The following GPR108 variants were observed in gnomAD, a reference collection of about 807,000 sequenced individuals.
GPR108 encodes G protein-coupled receptor 108.
In GPR108, 60 loss-of-function variants were observed where a neutral mutation model predicts 74.3. That is an observed-to-expected ratio of 0.81 (90% CI 0.66 to 1.00). The LOEUF is 1.00. Among genes scored for constraint, GPR108 ranks in the 50% least tolerant of loss-of-function variants. The probability of loss-of-function intolerance (pLI) is 0.00; values close to 1 mark genes in which losing one functional copy is unlikely to be tolerated. For missense variants in GPR108, 667 were observed against 703.3 expected (o/e 0.95, Z 0.58); for synonymous variants, 311 against 292.4 (o/e 1.06, Z -0.65).
rs1968385986 is a variant in GPR108, at chr19:6,731,198, C to T, written c.1434+1G>A. 1 of 1,588,344 alleles carries T rather than the reference C, an allele frequency of 6.3e-7. No individual in the cohort carries two copies. Among genetic ancestry groups the T allele is most frequent in the Non-Finnish European group, 8.6e-7 (1 of 1,164,352 alleles). On this transcript the variant is annotated splice_donor_variant, in intron 16 of 17. Transcript: ENST00000264080. LOFTEE classifies it high-confidence loss of function. Reference sequence around the variant, plus strand: ...CCGTCCCACCTGGGCCTCGGGCTCACCTGGTACAGCCACTGCCACTGAAAG... The same window carrying T: ...CCGTCCCACCTGGGCCTCGGGCTCATCTGGTACAGCCACTGCCACTGAAAG...
Position 6,730,030 on chromosome 19 carries a change from C to A in GPR108, c.*282G>T, listed in dbSNP as rs951101687. ...AACACAACCTCCGTGTAGACCCCAA[C>A]CCCCAAAAAGGCAAGACAACGGCGT... On this transcript the variant is annotated 3_prime_UTR_variant, in exon 18 of 18. Coordinates refer to ENST00000264080, the MANE Select transcript of GPR108 (RefSeq NM_001080452.2). The A allele has an allele frequency of 3.6e-5, 17 of 470,638 alleles. No homozygotes were observed. Among genetic ancestry groups the A allele is most frequent in the African/African-American group, 3.3e-4 (17 of 51,036 alleles). 29.2% of individuals were successfully genotyped at this position (470,638 alleles called of 1,614,324 possible).
intron 14 of GPR108, 89 bp downstream of exon 14, chr19:6,731,802 A>G: frequency 1.4e-6 from 2 of 1,461,142 alleles, no homozygotes; most frequent in Admixed American, 3.8e-5. Flanking sequence ...CTGGGCAGAG[A>G]GGCCAGGAGG....
intron 4 of GPR108, among the ~76,000 whole-genome samples, chr19:6,734,693 C>T (rs1968558964): frequency 1.3e-5 from 2 of 152,162 alleles, no homozygotes; most frequent in South Asian, 4.2e-4. Flanking sequence ...AGGCGCACAC[C>T]ATCATGCTTG....
chr19:6,737,296 G>A (rs1043780149), intron 1 of GPR108, 161 bp downstream of exon 1: 1 of 925,522 alleles, frequency 1.1e-6, no homozygotes, highest in Non-Finnish European at 1.5e-6. Context: ...GGACCGAAGG[G>A]GATCCCGGGA....
chr19:6,733,005 G>A lies in GPR108; in HGVS notation c.915C>T (p.Ile305=). 1 of 1,605,626 alleles carries A rather than the reference G, an allele frequency of 6.2e-7. No homozygotes were observed. The highest frequency in any genetic ancestry group is 8.5e-7 in the Non-Finnish European group (1 of 1,176,220). Residue 305 remains isoleucine (I), a synonymous_variant, in exon 10 of 18, where the codon ATC becomes ATT. Coordinates refer to ENST00000264080, the MANE Select transcript of GPR108 (RefSeq NM_001080452.2). ...CTCTCACGCTGTGGAAGAGGAGAGA[G>A]ATGCTCTTGGTGAAGGCCAAGGCCG... is the stretch of plus-strand genomic sequence containing the variant. ...LMAALAFTKS[I]SLLFHSINYY... is the part of the protein sequence containing the mutation.
rs372912988 is a variant in GPR108 at position 6,735,968 on chromosome 19, G to A, written c.241-10C>T. ...TGAGACTGAACCCCACCTGGTGGGTGGAAAAAAAAAGGGGAGGGTGTGAGG... is the reference window on the plus strand; with the variant it reads ...TGAGACTGAACCCCACCTGGTGGGTAGAAAAAAAAAGGGGAGGGTGTGAGG... On this transcript the variant is annotated splice_polypyrimidine_tract_variant and intron_variant, in intron 2 of 17. Coordinates refer to ENST00000264080, the MANE Select transcript of GPR108 (RefSeq NM_001080452.2). 3.9e-5 allele frequency: 63 copies of A among 1,599,192 alleles called. No individual in the cohort carries two copies. The highest frequency in any genetic ancestry group is 5.1e-5 in the Non-Finnish European group (60 of 1,172,924).
At chr19:6,733,761 C>A (rs78848320) in intron 7 of GPR108, 84 bp downstream of exon 7, 21 of 1,580,290 alleles carry the variant, frequency 1.3e-5, no homozygotes, top group Non-Finnish European at 1.7e-5. Context: ...TGGTCTGGGG[C>A]GATGGTAGGG....
intron 3 of GPR108, 24 bp from the exon 4 acceptor site, chr19:6,735,728 G>A (rs768130094): frequency 1.2e-6 from 2 of 1,604,358 alleles, no homozygotes; most frequent in Admixed American, 1.7e-5. Context: ...AGGAGGGAGT[G>A]AGTCTTGGTT....
chr19:6,733,781 G>A, intron 7 of GPR108, 64 bp downstream of exon 7: 1 of 1,589,804 alleles, frequency 6.3e-7, no homozygotes. Context: ...GCTGCAGGAG[G>A]GCTCAGCTTG....
In GPR108 at chr19:6,734,254, A is replaced by G; in HGVS notation, c.428T>C (p.Leu143Pro). The G allele has an allele frequency of 1.9e-6, 3 of 1,613,748 alleles. No individual in the cohort carries two copies. The highest frequency in any genetic ancestry group is 2.5e-6 in the Non-Finnish European group (3 of 1,179,922). ...TGGTTTGGAGGGTGCTTCCGGGAGG[A>G]GCCCGGGAAAGATAAACAACGTCTT... ...EQKTLFIFPG[L>P]LPEAPSKPGL... is the part of the protein sequence containing the mutation. Residue 143 changes from leucine (L) to proline (P), a missense_variant, in exon 5 of 18, where the codon CTC (leucine) becomes CCC (proline). Transcript: ENST00000264080.
rs1216851989 is a variant in GPR108, at chr19:6,736,615, C to G, written c.217G>C (p.Glu73Gln). 6.2e-7 allele frequency: 1 copy of G among 1,614,030 alleles called. No individual in the cohort carries two copies. Among genetic ancestry groups the G allele is most frequent in the Admixed American group, 1.7e-5 (1 of 60,004 alleles). Reference protein sequence around the residue: ...ELSVLRLGLREAEEKSLLVGF... With the variant: ...ELSVLRLGLRQAEEKSLLVGF... Reference sequence around the variant, plus strand: ...ACCAGCAGGGACTTCTCTTCTGCCTCCCGGAGGCCCAGCCGCAGGACGCTC... The same window carrying G: ...ACCAGCAGGGACTTCTCTTCTGCCTGCCGGAGGCCCAGCCGCAGGACGCTC... The change falls in exon 2 of 18, where the codon GAG becomes CAG. Residue 73 changes from glutamate (E) to glutamine (Q), a missense_variant. Glu to Gln is a conservative substitution (Grantham distance 29, BLOSUM62 2). Coordinates refer to ENST00000264080, the MANE Select transcript of GPR108 (RefSeq NM_001080452.2).
At chr19:6,730,916 CT>C in intron 17 of GPR108, 70 bp downstream of exon 17, 1 of 1,329,206 alleles carries the variant, frequency 7.5e-7, no homozygotes, top group Non-Finnish European at 1.1e-6. Flanking sequence ...CCTGCCCACC[CT>C]GCCCGTAGAG....
In GPR108 at chr19:6,733,572, T is replaced by G; in HGVS notation, c.721A>C (p.Thr241Pro). ...CTGCTGCCCTCCACTCCGCTCACCG[T>G]GATGTCGAATGGATGCTCCTTTCCT... ...VPGKEHPFDI[T>P]VMIREKNPDG... Residue 241 changes from threonine to proline, a missense_variant and splice_region_variant, in exon 8 of 18, where the codon ACG becomes CCG. Transcript: ENST00000264080. 1 of 1,613,774 alleles carries G rather than the reference T, an allele frequency of 6.2e-7. No individual in the cohort carries two copies. The highest frequency in any genetic ancestry group is 8.5e-7 in the Non-Finnish European group (1 of 1,179,664).
chr19:6,731,757 A>G (rs1172899221), intron 14 of GPR108, 134 bp downstream of exon 14: 26 of 1,069,560 alleles, frequency 2.4e-5, no homozygotes, highest in Middle Eastern at 2.9e-4. Flanking sequence ...AAGAGAGGCC[A>G]GACTGGGGCA....
rs747683043 is a variant in GPR108 at position 6,730,325 on chromosome 19, C to T, written c.1619G>A (p.Arg540Gln). 3 of 1,613,790 alleles carry T rather than the reference C, an allele frequency of 1.9e-6. No homozygotes were observed. Among genetic ancestry groups the T allele is most frequent in the East Asian group, 2.2e-5 (1 of 44,880 alleles). ...LSKVNKTASG[R>Q]ELL ...ATGTGGAGGTGATCATAACAGTTCC[C>T]GCCCGCTGGCTGTTTTGTTGACTTT... The change falls in exon 18 of 18, where the codon CGG becomes CAG. Residue 540 changes from arginine to glutamine, a missense_variant. By Grantham distance (43) the Arg-to-Gln change is conservative (BLOSUM62 1). Transcript: ENST00000264080.
At chr19:6,737,373 G>C in intron 1 of GPR108, 84 bp downstream of exon 1, 1 of 1,447,818 alleles carries the variant, frequency 6.9e-7, no homozygotes, top group Non-Finnish European at 9.1e-7. Context: ...ACGGGGGAGG[G>C]CGGACGAGAC....
At chr19:6,731,419 G>A (rs1185209095) in intron 15 of GPR108, 54 bp downstream of exon 15, 9 of 1,504,886 alleles carry the variant, frequency 6.0e-6, no homozygotes, top group East Asian at 4.6e-5. Flanking sequence ...TGGGGTGGGC[G>A]TGCAGCAGGC....
chr19:6,730,540 G>C (rs543304469), intron 17 of GPR108, 156 bp from the exon 18 acceptor site: 2 of 615,174 alleles, frequency 3.3e-6, no homozygotes, highest in African/African-American at 4.6e-5. Flanking sequence ...CACCCACCTC[G>C]CTCCCACAGC....
Position 6,733,829 on chromosome 19 carries a change from C to T in GPR108, c.618+16G>A, listed in dbSNP as rs368473659. On this transcript the variant is annotated intron_variant, in intron 7 of 17. Transcript: ENST00000264080. ...TCTGGGGTGACGGAAGGGCCGCAGG[C>T]GCTGCAAACACTCACACTGAAGTTG... 3.0e-5 allele frequency: 49 copies of T among 1,613,606 alleles called. No homozygotes were observed. Among genetic ancestry groups the T allele is most frequent in the African/African-American group, 8.0e-5 (6 of 74,886 alleles).
Sources: gnomAD v4.1 joint callset for allele counts (sites outside exome capture counted in the v4.1 genomes callset) on GRCh38, gnomAD v4.1.1 for gene constraint, MANE v1.5 for transcripts, NCBI Gene and HGNC (gene_info 2026-07-23, HGNC 2026-07-21) for gene names.